Variants in TTF2 observed in about 807,000 individuals in gnomAD.
TTF2 encodes transcription termination factor 2.
TTF2 carries 108 observed loss-of-function variants against 142.4 expected under a neutral mutation model. The ratio of observed to expected loss-of-function variants is 0.76; its 90% CI spans 0.65 to 0.89. The LOEUF is 0.89. Ranked by LOEUF, TTF2 falls within the 40% of genes least tolerant of loss-of-function variation. The pLI is 0.00. For synonymous variants in TTF2, 483 were observed against 506.2 expected, an observed-to-expected ratio of 0.95 and a Z score of 0.61; for missense variants, 1,327 against 1,379.8, an observed-to-expected ratio of 0.96 and a Z score of 0.61.
In TTF2 at chr1:117,106,928, A is replaced by G. The variant is rs1308637429; in HGVS notation, c.*5404A>G. 2.0e-5 allele frequency: 3 copies of G among 152,198 alleles called. No individual in the cohort carries two copies. The highest frequency in any genetic ancestry group is 1.9e-4 in the East Asian group (1 of 5,200). 9.4% of individuals were successfully genotyped at this position (152,198 alleles called of 1,614,324 possible). Reference sequence around the variant, plus strand: ...ACAGGTATGTGTATGTTTATTATCCAAGACAGCCAAGGTGTTTATCCTGTT... The same window carrying G: ...ACAGGTATGTGTATGTTTATTATCCGAGACAGCCAAGGTGTTTATCCTGTT... On this transcript the variant is annotated 3_prime_UTR_variant, in exon 23 of 23. Transcript: ENST00000369466.
chr1:117,065,150 G>A (rs991177354), intron 3 of TTF2, among the ~76,000 whole-genome samples: 1 of 152,102 alleles, frequency 6.6e-6, no homozygotes, highest in African/African-American at 2.4e-5. Context: ...TCAAGATTGC[G>A]TTGGCTGCTC....
Position 117,097,068 on chromosome 1 carries a change from AT to A in TTF2, c.3187-282del, listed in dbSNP as rs1649217134. ...TAATTGAAAGTTTATTGAGCTGACC[AT>A]CCCCAGGGTTCTAAATTACAGTATT... On this transcript the variant is annotated intron_variant, in intron 20 of 22. Transcript: ENST00000369466. This position sits in a 1 kb window ranked among gnomAD's most constrained non-coding sequence, Gnocchi z 4.1. Among the ~76,000 whole-genome samples, 1 of 152,222 alleles carries A rather than the reference AT, an allele frequency of 6.6e-6. No individual in the cohort carries two copies. The highest frequency in any genetic ancestry group is 1.5e-5 in the Non-Finnish European group (1 of 68,030).
At chr1:117,072,864 C>G (rs1408777599) in intron 3 of TTF2, among the ~76,000 whole-genome samples, 1 of 152,226 alleles carries the variant, frequency 6.6e-6, no homozygotes, top group African/African-American at 2.4e-5. Context: ...ATCCTCCTGT[C>G]TCAGGCCCCT....
chr1:117,079,061 G>A lies in TTF2; in HGVS notation c.1702-507G>A, dbSNP rs1647254641. ...TCAAGACTAGCCTGGCCAACATGGT[G>A]AAACCCCATCTCTACTAAAAATAAG... is the stretch of plus-strand genomic sequence containing the variant. On this transcript the variant is annotated intron_variant, in intron 8 of 22. Transcript: ENST00000369466. The surrounding 1 kb of genome is among the most constrained non-coding windows in gnomAD (Gnocchi z 4.2). Among the ~76,000 whole-genome samples the A allele has an allele frequency of 6.6e-6, 1 of 152,060 alleles. No homozygotes were observed. Among genetic ancestry groups the A allele is most frequent in the African/African-American group, 2.4e-5 (1 of 41,406 alleles).
At chr1:117,094,118 A>G (rs1156681641) in intron 18 of TTF2, among the ~76,000 whole-genome samples, 1 of 152,200 alleles carries the variant, frequency 6.6e-6, no homozygotes, top group East Asian at 1.9e-4. Context: ...TCTGTGACTC[A>G]CTTCCTGCCT....
At position 117,088,898 on chromosome 1, in the gene TTF2, T is replaced by G; in HGVS notation, c.2258T>G (p.Val753Gly). Residue 753 changes from valine (V) to glycine (G), a missense_variant, in exon 13 of 23, where the codon GTG (valine) becomes GGG (glycine). Coordinates refer to ENST00000369466, the MANE Select transcript of TTF2 (RefSeq NM_003594.4). ...CCCCGAGTGCAGACTTCCATAGCTGTGTGTAAGCTACAAGCCTGTGCCCGT... is the reference window on the plus strand; with the variant it reads ...CCCCGAGTGCAGACTTCCATAGCTGGGTGTAAGCTACAAGCCTGTGCCCGT... ...KNPRVQTSIA[V>G]CKLQACARWA... The G allele has an allele frequency of 6.2e-7, 1 of 1,614,152 alleles. No homozygotes were observed. Among genetic ancestry groups the G allele is most frequent in the African/African-American group, 1.3e-5 (1 of 75,046 alleles).
chr1:117,068,415 G>A lies in TTF2; in HGVS notation c.219-5246G>A, dbSNP rs536201492. On this transcript the variant is annotated intron_variant, in intron 3 of 22. Transcript: ENST00000369466. Reference sequence around the variant, plus strand: ...GTTGTGGGGTTGGGGGAGAGGGGAGGGATAGCATTAGGAGATATACTTAAT... The same window carrying A: ...GTTGTGGGGTTGGGGGAGAGGGGAGAGATAGCATTAGGAGATATACTTAAT... 1.3e-4 allele frequency among the ~76,000 whole-genome samples: 20 copies of A among 151,830 alleles called. No homozygotes were observed. In the South Asian group the frequency reaches 3.9e-3, roughly 30 times the overall value.
rs1648465788 is a variant in TTF2 at position 117,090,436 on chromosome 1, G to A, written c.2497-96G>A. The stretch of plus-strand genomic sequence containing the variant: ...GAAAGGGTGGAAGCTGCATTCCAGG[G>A]TTGACTAGATATGCAGTGTCAGTAT... On this transcript the variant is annotated intron_variant, in intron 14 of 22. Transcript: ENST00000369466. This position sits in a 1 kb window ranked among gnomAD's most constrained non-coding sequence, Gnocchi z 4.8. 7.9e-6 allele frequency: 10 copies of A among 1,258,042 alleles called. No homozygotes were observed. Among genetic ancestry groups the A allele is most frequent in the Non-Finnish European group, 1.1e-5 (10 of 881,160 alleles). 77.9% of individuals were successfully genotyped at this position (1,258,042 alleles called of 1,614,324 possible). A position where few individuals can be genotyped will look rare whatever the true frequency, so the allele number is the denominator to read the frequency against.
chr1:117,063,832 G>T lies in TTF2; in HGVS notation c.218+1359G>T, dbSNP rs573849552. On this transcript the variant is annotated intron_variant, in intron 3 of 22. Transcript: ENST00000369466. This position sits in a 1 kb window ranked among gnomAD's most constrained non-coding sequence, Gnocchi z 4.1. ...TATCACAAACAGGATATTAATATTGGTACAACCCACCAGTTTTATTGGTAA... is the reference window on the plus strand; with the variant it reads ...TATCACAAACAGGATATTAATATTGTTACAACCCACCAGTTTTATTGGTAA... Among the ~76,000 whole-genome samples the T allele has an allele frequency of 1.1e-4, 17 of 152,198 alleles. No homozygotes were observed. Among genetic ancestry groups the T allele is most frequent in the Non-Finnish European group, 2.2e-4 (15 of 68,016 alleles).
Position 117,101,460 on chromosome 1 carries a change from C to A in TTF2, c.3425C>A (p.Ser1142Ter). 6.2e-7 allele frequency: 1 copy of A among 1,611,270 alleles called. No individual in the cohort carries two copies. Among genetic ancestry groups the A allele is most frequent in the Non-Finnish European group, 8.5e-7 (1 of 1,179,484 alleles). Residue 1142 changes from serine to a stop codon, truncating the protein, a stop_gained, in exon 23 of 23, where the codon TCA becomes TAA. Coordinates refer to ENST00000369466, the MANE Select transcript of TTF2 (RefSeq NM_003594.4). LOFTEE classifies it high-confidence loss of function. This position sits in a 1 kb window ranked among gnomAD's most constrained non-coding sequence, Gnocchi z 5.9. ...AAAGATTTGGCCAAACAAGTTCTAT[C>A]AGGGTCTGGAGAATCTGTCACCAAG... is the stretch of plus-strand genomic sequence containing the variant. Reference protein sequence around the residue: ...KKKDLAKQVLSGSGESVTKLT... With the variant: ...KKKDLAKQVL
At position 117,097,507 on chromosome 1, in the gene TTF2, C is replaced by G; in HGVS notation, c.3269+74C>G. 2 of 1,339,194 alleles carry G rather than the reference C, an allele frequency of 1.5e-6. No homozygotes were observed. Among genetic ancestry groups the G allele is most frequent in the Non-Finnish European group, 2.2e-6 (2 of 929,726 alleles). The allele number at this position is 1,339,194 out of a possible 1,614,324, so 83.0% of individuals were successfully genotyped here. On this transcript the variant is annotated intron_variant, in intron 21 of 22. Coordinates refer to ENST00000369466, the MANE Select transcript of TTF2 (RefSeq NM_003594.4). The surrounding 1 kb of genome is among the most constrained non-coding windows in gnomAD (Gnocchi z 4.1). Reference sequence around the variant, plus strand: ...CAGTGGGCTACAGGGGCAGCAAGAACTGACTTCTTATGTTGATTGCTGTGT... The same window carrying G: ...CAGTGGGCTACAGGGGCAGCAAGAAGTGACTTCTTATGTTGATTGCTGTGT...
Position 117,092,082 on chromosome 1 carries a change from G to GT in TTF2, c.2805+138dup. On this transcript the variant is annotated intron_variant, in intron 17 of 22. Transcript: ENST00000369466. The surrounding 1 kb of genome is among the most constrained non-coding windows in gnomAD (Gnocchi z 4.4). The stretch of plus-strand genomic sequence containing the variant: ...ATGCTGTTTCGGTTTTTCTATTTTT[G>GT]TTTTTTGGTGGGTTGGAGAAAAGGG... 1 of 991,642 alleles carries GT rather than the reference G, an allele frequency of 1.0e-6. No homozygotes were observed. Among genetic ancestry groups the GT allele is most frequent in the Non-Finnish European group, 1.4e-6 (1 of 710,382 alleles). 61.4% of individuals were successfully genotyped at this position (991,642 alleles called of 1,614,324 possible).
Position 117,075,388 on chromosome 1 carries a change from TCA to T in TTF2, c.807_808del (p.His269GlnfsTer22), listed in dbSNP as rs1346696524. 1 of 1,614,114 alleles carries T rather than the reference TCA, an allele frequency of 6.2e-7. No individual in the cohort carries two copies. Among genetic ancestry groups the T allele is most frequent in the South Asian group, 1.1e-5 (1 of 91,080 alleles). On this transcript the variant is annotated frameshift_variant, in exon 5 of 23. Coordinates refer to ENST00000369466, the MANE Select transcript of TTF2 (RefSeq NM_003594.4). LOFTEE classifies it high-confidence loss of function. The surrounding 1 kb of genome is among the most constrained non-coding windows in gnomAD (Gnocchi z 4.5). ...TQLLPQNVHSHNSISKPQKGG... is the reference protein window; with the variant it reads ...TQLLPQNVHSXNSISKPQKGG... ...AGCTTTTGCCTCAAAATGTTCACAG[TCA>T]CAACTCAATAAGCAAGCCCCAGAAA...
Position 117,081,858 on chromosome 1 carries a change from C to T in TTF2, c.1814C>T (p.Thr605Ile). 1.2e-6 allele frequency: 2 copies of T among 1,614,040 alleles called. No homozygotes were observed. Among genetic ancestry groups the T allele is most frequent in the Non-Finnish European group, 8.5e-7 (1 of 1,179,988 alleles). Residue 605 changes from threonine (T) to isoleucine (I), a missense_variant, in exon 10 of 23, where the codon ACA becomes ATA. Thr to Ile is a moderately conservative substitution (Grantham distance 89, BLOSUM62 -1). Transcript: ENST00000369466. ...GATATGGGCTTAGGAAAAACCCTGA[C>T]AATGATTGCGCTCATCCTGACCCAG... ...ADDMGLGKTL[T>I]MIALILTQKN...
Position 117,076,295 on chromosome 1 carries a change from G to T in TTF2, c.1390+1G>T. 1 of 1,612,724 alleles carries T rather than the reference G, an allele frequency of 6.2e-7. No homozygotes were observed. On this transcript the variant is annotated splice_donor_variant, in intron 6 of 22. Transcript: ENST00000369466. LOFTEE classifies it high-confidence loss of function. The surrounding 1 kb of genome is among the most constrained non-coding windows in gnomAD (Gnocchi z 4.6). ...GGTCTTACCCTTTCCCCAGAGCAAG[G>T]TAAAGTGGCTTATGCCTCAGAACTC...
chr1:117,086,495 G>A lies in TTF2; in HGVS notation c.2133G>A (p.Glu711=), dbSNP rs1218202436. Residue 711 remains glutamate, a synonymous_variant, in exon 12 of 23, where the codon GAG becomes GAA. Transcript: ENST00000369466. This position sits in a 1 kb window ranked among gnomAD's most constrained non-coding sequence, Gnocchi z 4.2. ...KEIPTNKQEA[E]IPGANLNVEG... is the part of the protein sequence containing the mutation. ...TTCCCACAAACAAGCAAGAGGCAGA[G>A]ATCCCAGGTGCAAACCTCAATGTGG... is the stretch of plus-strand genomic sequence containing the variant. 6.2e-7 allele frequency: 1 copy of A among 1,614,070 alleles called. No homozygotes were observed.
At position 117,076,272 on chromosome 1, in the gene TTF2, T is replaced by G. The variant is rs1657001107; in HGVS notation, c.1368T>G (p.Gly456=). Residue 456 remains glycine, a synonymous_variant, in exon 6 of 23, where the codon GGT becomes GGG. Transcript: ENST00000369466. The surrounding 1 kb of genome is among the most constrained non-coding windows in gnomAD (Gnocchi z 4.6). The part of the protein sequence containing the change: ...QIQELEEVLS[G]LTLSPEQGTN... ...AGGAGCTGGAGGAAGTACTCAGTGG[T>G]CTTACCCTTTCCCCAGAGCAAGGTA... 1.2e-6 allele frequency: 2 copies of G among 1,613,918 alleles called. No individual in the cohort carries two copies. The highest frequency in any genetic ancestry group is 1.7e-6 in the Non-Finnish European group (2 of 1,179,834).
chr1:117,089,022 C>G (rs770380900), intron 13 of TTF2, 40 bp downstream of exon 13: 1 of 1,543,366 alleles, frequency 6.5e-7, no homozygotes, highest in South Asian at 1.2e-5. Flanking sequence ...TGAACCCTGT[C>G]TGTATCCCTT....
At chr1:117,066,253 T>C (rs994276526) in intron 3 of TTF2, among the ~76,000 whole-genome samples, 4 of 152,074 alleles carry the variant, frequency 2.6e-5, no homozygotes, top group Admixed American at 2.6e-4. Flanking sequence ...TGAGGACCCA[T>C]GGTTATGAAG....
Sources: allele counts gnomAD v4.1 joint callset (sites outside exome capture counted in the v4.1 genomes callset), GRCh38; gene constraint gnomAD v4.1.1; non-coding constraint Gnocchi (gnomAD v3.1); transcripts MANE v1.5; gene names NCBI Gene and HGNC (gene_info 2026-07-23, HGNC 2026-07-21).